Variants in SDHAF3 observed in about 807,000 individuals in gnomAD.
SDHAF3 encodes the protein succinate dehydrogenase assembly factor 3, mitochondrial.
Under a neutral mutation model 11.5 loss-of-function variants are expected in SDHAF3, and 18 were observed. The ratio of observed to expected loss-of-function variants is 1.56; its 90% CI spans 1.08 to 2.32. The LOEUF (loss-of-function observed/expected upper bound fraction) is 2.32, where lower values mean the gene tolerates loss of function less well. Ranked by LOEUF, SDHAF3 falls within the 30% of genes most tolerant of loss-of-function variation. The pLI is 0.00. For synonymous variants in SDHAF3, 72 were observed against 59.3 expected (o/e 1.21, Z -0.99); for missense variants, 200 against 154.4 (o/e 1.30, Z -1.57).
intron 1 of SDHAF3, 73 bp from the exon 2 acceptor site, chr7:97,180,933 CAGAATT>C: frequency 1.4e-5 from 17 of 1,247,916 alleles, no homozygotes; most frequent in Non-Finnish European, 1.9e-5. Context: ...ATAGGTGACT[CAGAATT>C]AGAATTCAAG....
intron 1 of SDHAF3, among the ~76,000 whole-genome samples, chr7:97,178,499 G>A (rs988562717): frequency 6.6e-6 from 1 of 152,076 alleles, no homozygotes; most frequent in Non-Finnish European, 1.5e-5. Flanking sequence ...CAATGTATGA[G>A]GATTCTAGTT....
intron 1 of SDHAF3, chr7:97,135,603 C>T (rs112324483): frequency 8.9e-6 from 1 of 112,392 alleles, no homozygotes; most frequent in Non-Finnish European, 1.8e-5. Context: ...GTGTGTGTGT[C>T]TGTGTGTGTG....
At chr7:97,179,452 C>T (rs1789736474) in intron 1 of SDHAF3, among the ~76,000 whole-genome samples, 2 of 149,488 alleles carry the variant, frequency 1.3e-5, no homozygotes, top group African/African-American at 4.9e-5. Context: ...TTTGACTTTT[C>T]TATTGAAGTA....
At position 97,181,331 on chromosome 7, in the gene SDHAF3, T is replaced by C. The variant is rs1789771661; in HGVS notation, c.*116T>C. 4 of 742,902 alleles carry C rather than the reference T, an allele frequency of 5.4e-6. No homozygotes were observed. The highest frequency in any genetic ancestry group is 8.6e-6 in the Non-Finnish European group (4 of 465,578). 46.0% of individuals were successfully genotyped at this position (742,902 alleles called of 1,614,324 possible). On this transcript the variant is annotated 3_prime_UTR_variant, in exon 2 of 2. Coordinates refer to ENST00000432641, the MANE Select transcript of SDHAF3 (RefSeq NM_020186.3). The stretch of plus-strand genomic sequence containing the variant: ...ACACCTGTTATTAATGAAATACTCT[T>C]TTATTTTGGATATTATGATTGCAGT...
At chr7:97,156,047 C>T (rs1334469486) in intron 1 of SDHAF3, among the ~76,000 whole-genome samples, 1 of 152,008 alleles carries the variant, frequency 6.6e-6, no homozygotes, top group Non-Finnish European at 1.5e-5. Flanking sequence ...AACTAAAGTC[C>T]ATTCTTATTC....
At chr7:97,161,103 G>C (rs1789402516) in intron 1 of SDHAF3, among the ~76,000 whole-genome samples, 1 of 152,056 alleles carries the variant, frequency 6.6e-6, no homozygotes, top group Admixed American at 6.6e-5. Flanking sequence ...GTGATGCTGG[G>C]CAGTGGCTGG....
In SDHAF3 at chr7:97,152,992, A is replaced by G. The variant is rs2103212; in HGVS notation, c.175-28020A>G. Reference sequence around the variant, plus strand: ...AGCCATTATTTCTTATTTTGTGGCAAATTTGTTAGTTTTACAAAGGTGATC... The same window carrying G: ...AGCCATTATTTCTTATTTTGTGGCAGATTTGTTAGTTTTACAAAGGTGATC... On this transcript the variant is annotated intron_variant, in intron 1 of 1. Coordinates refer to ENST00000432641, the MANE Select transcript of SDHAF3 (RefSeq NM_020186.3). Among the ~76,000 whole-genome samples, 91 of 152,296 alleles carry G rather than the reference A, an allele frequency of 6.0e-4. 1 individual carries two copies. Among genetic ancestry groups the G allele is most frequent in the African/African-American group, 2.1e-3 (88 of 41,564 alleles).
At chr7:97,120,167 T>C (rs773271085) in intron 1 of SDHAF3, among the ~76,000 whole-genome samples, 6 of 152,216 alleles carry the variant, frequency 3.9e-5, no homozygotes, top group Non-Finnish European at 8.8e-5. Context: ...AATTTATTAG[T>C]TGACACGCGT....
intron 1 of SDHAF3, among the ~76,000 whole-genome samples, chr7:97,141,711 G>T (rs1191275625): frequency 6.6e-6 from 1 of 152,104 alleles, no homozygotes; most frequent in Admixed American, 6.5e-5. Flanking sequence ...AGCCAGGATG[G>T]TCTCTATCTC....
At chr7:97,125,853 C>G (rs752224517) in intron 1 of SDHAF3, among the ~76,000 whole-genome samples, 1 of 152,232 alleles carries the variant, frequency 6.6e-6, no homozygotes, top group Non-Finnish European at 1.5e-5. Flanking sequence ...CAAACTCATT[C>G]TCCATCCAGT....
Position 97,181,102 on chromosome 7 carries a change from A to AAACTT in SDHAF3, c.268_272dup (p.Asp92LeufsTer15). ...TTTTGGCACCTTCCTCCCAGAAGAA[A>AAACTT]AACTTAATGACTTTCGTGATGAACA... On this transcript the variant is annotated frameshift_variant, in exon 2 of 2. Coordinates refer to ENST00000432641, the MANE Select transcript of SDHAF3 (RefSeq NM_020186.3). LOFTEE classifies it high-confidence loss of function. 1.2e-6 allele frequency: 2 copies of AAACTT among 1,614,070 alleles called. No homozygotes were observed. Among genetic ancestry groups the AAACTT allele is most frequent in the African/African-American group, 1.3e-5 (1 of 75,054 alleles).
At chr7:97,177,345 C>CA (rs954909861) in intron 1 of SDHAF3, among the ~76,000 whole-genome samples, 3 of 151,748 alleles carry the variant, frequency 2.0e-5, no homozygotes, top group African/African-American at 7.3e-5. Flanking sequence ...ACTAAAAATA[C>CA]AAAAAATTTA....
At chr7:97,130,125 A>G (rs1368345761) in intron 1 of SDHAF3, among the ~76,000 whole-genome samples, 2 of 151,856 alleles carry the variant, frequency 1.3e-5, no homozygotes, top group African/African-American at 4.8e-5. Context: ...TATAAAAACT[A>G]TCCGGATGTG....
At chr7:97,124,931 G>C (rs748345923) in intron 1 of SDHAF3, among the ~76,000 whole-genome samples, 1 of 152,138 alleles carries the variant, frequency 6.6e-6, no homozygotes, top group Non-Finnish European at 1.5e-5. Context: ...ACACAATCAG[G>C]TCATCTGCAA....
At chr7:97,126,996 C>T (rs1746332125) in intron 1 of SDHAF3, among the ~76,000 whole-genome samples, 1 of 152,176 alleles carries the variant, frequency 6.6e-6, no homozygotes, top group South Asian at 2.1e-4. Context: ...AGCATAGTAT[C>T]TGGGCCGGAT....
chr7:97,166,736 A>T (rs1789511331), intron 1 of SDHAF3, among the ~76,000 whole-genome samples: 1 of 145,852 alleles, frequency 6.9e-6, no homozygotes. Context: ...AGAAGGGGCC[A>T]GTTAGTTGGC....
intron 1 of SDHAF3, among the ~76,000 whole-genome samples, chr7:97,136,046 A>G (rs985028321): frequency 1.3e-5 from 2 of 152,088 alleles, no homozygotes; most frequent in African/African-American, 4.8e-5. Context: ...TAGGATAGAT[A>G]TAAATGTATT....
At chr7:97,143,978 C>T (rs534998267) in intron 1 of SDHAF3, among the ~76,000 whole-genome samples, 267 of 152,170 alleles carry the variant, frequency 1.8e-3, no homozygotes, top group Non-Finnish European at 3.1e-3. Flanking sequence ...CGCTGATCAC[C>T]GCATCCACGC....
At position 97,181,184 on chromosome 7, in the gene SDHAF3, G is replaced by A; in HGVS notation, c.347G>A (p.Ser116Asn). The change falls in exon 2 of 2, where the codon AGT (serine) becomes AAT (asparagine). Residue 116 changes from serine to asparagine, a missense_variant. Transcript: ENST00000432641. ...QEATKPNRQF[S>N]ISESMKPKF The stretch of plus-strand genomic sequence containing the variant: ...GCCACAAAACCCAATAGGCAATTTA[G>A]TATTTCTGAGTCTATGAAACCAAAA... 6.2e-7 allele frequency: 1 copy of A among 1,613,580 alleles called. No homozygotes were observed. Among genetic ancestry groups the A allele is most frequent in the Non-Finnish European group, 8.5e-7 (1 of 1,179,808 alleles).
Sources: allele counts gnomAD v4.1 joint callset (sites outside exome capture counted in the v4.1 genomes callset), GRCh38; gene constraint gnomAD v4.1.1; transcripts MANE v1.5; gene names NCBI Gene and HGNC (gene_info 2026-07-23, HGNC 2026-07-21).